Variants in SNAI3 observed in about 807,000 individuals in gnomAD.
The protein encoded by SNAI3 is zinc finger protein SNAI3.
SNAI3 carries 21 observed loss-of-function variants against 16.4 expected under a neutral mutation model. The observed-to-expected ratio is 1.28, with a 90% CI of 0.91 to 1.85. The LOEUF (loss-of-function observed/expected upper bound fraction) is 1.85, where lower values mean the gene tolerates loss of function less well. Among genes scored for constraint, SNAI3 ranks in the 40% most tolerant of loss-of-function variants. The pLI is 0.00. For missense variants in SNAI3, 457 were observed against 372.8 expected (o/e 1.23, Z -1.86); for synonymous variants, 202 against 166.6 (o/e 1.21, Z -1.64).
intron 1 of SNAI3, 117 bp downstream of exon 1, chr16:88,686,214 C>T (rs1909353327): frequency 1.5e-6 from 2 of 1,322,970 alleles, no homozygotes; most frequent in South Asian, 1.4e-5. Flanking sequence ...GCGCTGGCTC[C>T]TTCTCCTCCC....
Position 88,681,324 on chromosome 16 carries a change from T to C in SNAI3, c.467A>G (p.His156Arg). The C allele has an allele frequency of 6.2e-7, 1 of 1,613,054 alleles. No homozygotes were observed. Among genetic ancestry groups the C allele is most frequent in the Admixed American group, 1.7e-5 (1 of 60,008 alleles). ...PRAPGGFECF[H>R]CHKPYHTLAG... The stretch of plus-strand genomic sequence containing the variant: ...CAGCGTGTGGTAGGGTTTGTGGCAG[T>C]GGAAGCACTCAAAGCCGCCCGGGGC... The change falls in exon 2 of 3, where the codon CAC becomes CGC. Residue 156 changes from histidine (H) to arginine (R), a missense_variant. His to Arg is a conservative substitution (Grantham distance 29). Coordinates refer to ENST00000332281, the MANE Select transcript of SNAI3 (RefSeq NM_178310.4). This position sits in a 1 kb window ranked among gnomAD's most constrained non-coding sequence, Gnocchi z 5.4.
intron 2 of SNAI3, chr16:88,678,865 G>T: frequency 1.0e-6 from 1 of 985,440 alleles, no homozygotes; most frequent in Non-Finnish European, 1.2e-6. Context: ...AGCCCTCCCG[G>T]GGCCCTTGGC....
rs1479724498 is a variant in SNAI3, at chr16:88,681,897, C to G, written c.77-183G>C. Among the ~76,000 whole-genome samples, 1 of 152,180 alleles carries G rather than the reference C, an allele frequency of 6.6e-6. No individual in the cohort carries two copies. Among genetic ancestry groups the G allele is most frequent in the East Asian group, 1.9e-4 (1 of 5,192 alleles). Reference sequence around the variant, plus strand: ...CTGGCGGTGCTGTGCAGGGAAGTGACAGCGTGGCCAGGAGTGGAGTCATCT... The same window carrying G: ...CTGGCGGTGCTGTGCAGGGAAGTGAGAGCGTGGCCAGGAGTGGAGTCATCT... On this transcript the variant is annotated intron_variant, in intron 1 of 2. Coordinates refer to ENST00000332281, the MANE Select transcript of SNAI3 (RefSeq NM_178310.4). This position sits in a 1 kb window ranked among gnomAD's most constrained non-coding sequence, Gnocchi z 5.4.
rs776627093 is a variant in SNAI3, at chr16:88,681,598, C to T, written c.193G>A (p.Val65Ile). The change falls in exon 2 of 3, where the codon GTC becomes ATC. Residue 65 changes from valine (V) to isoleucine (I), a missense_variant. Physicochemically the swap from Val to Ile is conservative, Grantham distance 29. Transcript: ENST00000332281. This position sits in a 1 kb window ranked among gnomAD's most constrained non-coding sequence, Gnocchi z 5.4. ...LPQPWDRSSA[V>I]ACISLPLLPR... ...AGGAGGGGCAGGGAGATGCAGGCGA[C>T]GGCCGAGGAGCGGTCCCAGGGCTGG... 3.9e-5 allele frequency: 59 copies of T among 1,500,730 alleles called. No individual in the cohort carries two copies. Among genetic ancestry groups the T allele is most frequent in the East Asian group, 9.2e-5 (4 of 43,436 alleles). The allele number at this position is 1,500,730 out of a possible 1,614,324, so 93.0% of individuals were successfully genotyped here. A position where few individuals can be genotyped will look rare whatever the true frequency, so the allele number is the denominator to read the frequency against.
rs998629359 is a variant in SNAI3, at chr16:88,678,305, T to C, written c.*143A>G. On this transcript the variant is annotated 3_prime_UTR_variant, in exon 3 of 3. Coordinates refer to ENST00000332281, the MANE Select transcript of SNAI3 (RefSeq NM_178310.4). ...GTGGCCCCCGCTGGACTTCTTTGGT[T>C]CTGATTGGACGCAGATGTGGAGGAC... The C allele has an allele frequency of 1.5e-5, 9 of 590,400 alleles. No individual in the cohort carries two copies. Among genetic ancestry groups the C allele is most frequent in the Admixed American group, 6.0e-5 (2 of 33,338 alleles). 36.6% of individuals were successfully genotyped at this position (590,400 alleles called of 1,614,324 possible). A position where few individuals can be genotyped will look rare whatever the true frequency, so the allele number is the denominator to read the frequency against.
rs922686960 is a variant in SNAI3 at position 88,681,877 on chromosome 16, G to A, written c.77-163C>T. On this transcript the variant is annotated intron_variant, in intron 1 of 2. Transcript: ENST00000332281. This position sits in a 1 kb window ranked among gnomAD's most constrained non-coding sequence, Gnocchi z 5.4. ...AGACCCAGCTTGCAAGGGAGCTGGC[G>A]GTGCTGTGCAGGGAAGTGACAGCGT... Among the ~76,000 whole-genome samples the A allele has an allele frequency of 2.0e-5, 3 of 152,202 alleles. No individual in the cohort carries two copies. The highest frequency in any genetic ancestry group is 6.5e-5 in the Admixed American group (1 of 15,284).
chr16:88,683,120 C>G (rs543220194), intron 1 of SNAI3, among the ~76,000 whole-genome samples: 2 of 125,390 alleles, frequency 1.6e-5, no homozygotes, highest in East Asian at 5.3e-4. Flanking sequence ...GAGTCTTGCT[C>G]TGTCTCCCAG....
At chr16:88,686,284 C>T (rs1164323966) in intron 1 of SNAI3, 47 bp downstream of exon 1, 6 of 1,599,000 alleles carry the variant, frequency 3.8e-6, no homozygotes, top group African/African-American at 1.3e-5. Context: ...TCTCCCGCCC[C>T]TCAGGGTCGA....
Position 88,678,471 on chromosome 16 carries a change from A to G in SNAI3, c.856T>C (p.Ser286Pro), listed in dbSNP as rs376252779. Residue 286 changes from serine (S) to proline (P), a missense_variant, in exon 3 of 3, where the codon TCT (serine) becomes CCT (proline). Physicochemically the swap from Ser to Pro is moderately conservative, Grantham distance 74. Transcript: ENST00000332281. ...RMSLLARHEE[S>P]GCCPGP ...TCTCAGGGGCCCGGGCAGCAGCCAGACTCCTCATGCCGCGCCAGGAGGGAC... is the reference window on the plus strand; with the variant it reads ...TCTCAGGGGCCCGGGCAGCAGCCAGGCTCCTCATGCCGCGCCAGGAGGGAC... The G allele has an allele frequency of 1.4e-5, 11 of 774,716 alleles. No individual in the cohort carries two copies. The highest frequency in any genetic ancestry group is 2.6e-5 in the Non-Finnish European group (11 of 419,168). The allele number at this position is 774,716 out of a possible 1,614,324, so 48.0% of individuals were successfully genotyped here.
chr16:88,682,291 C>T (rs1329302033), intron 1 of SNAI3, among the ~76,000 whole-genome samples: 1 of 152,254 alleles, frequency 6.6e-6, no homozygotes, highest in African/African-American at 2.4e-5. Context: ...TCCCTGGCCG[C>T]TGACCAGTGC....
At chr16:88,680,442 C>T (rs1304727431) in intron 2 of SNAI3, among the ~76,000 whole-genome samples, 1 of 151,856 alleles carries the variant, frequency 6.6e-6, no homozygotes, top group Non-Finnish European at 1.5e-5. Context: ...TGCACTGCCA[C>T]GTCCGGCTAA....
chr16:88,683,343 C>T (rs1435449195), intron 1 of SNAI3, among the ~76,000 whole-genome samples: 1 of 151,718 alleles, frequency 6.6e-6, no homozygotes, highest in Non-Finnish European at 1.5e-5. Flanking sequence ...GCAACCTCTG[C>T]CTCCCTGGTT....
At chr16:88,679,440 G>T (rs912270768) in intron 2 of SNAI3, among the ~76,000 whole-genome samples, 2 of 152,198 alleles carry the variant, frequency 1.3e-5, no homozygotes, top group Admixed American at 1.3e-4. Context: ...CATGACTTAG[G>T]GGGTAGGGAA....
chr16:88,686,266 T>C (rs1909355614), intron 1 of SNAI3, 65 bp downstream of exon 1: 8 of 1,232,906 alleles, frequency 6.5e-6, no homozygotes, highest in Non-Finnish European at 5.5e-6. Context: ...CCCAGGGGCC[T>C]CTCTCTCTCT....
At chr16:88,683,334 C>T (rs1909245833) in intron 1 of SNAI3, among the ~76,000 whole-genome samples, 1 of 151,674 alleles carries the variant, frequency 6.6e-6, no homozygotes, top group South Asian at 2.1e-4. Flanking sequence ...GGGCTCATTG[C>T]AACCTCTGCC....
intron 1 of SNAI3, among the ~76,000 whole-genome samples, chr16:88,682,025 C>T (rs1441836399): frequency 6.6e-6 from 1 of 152,174 alleles, no homozygotes; most frequent in Non-Finnish European, 1.5e-5. Context: ...TGAAACAGGC[C>T]TCGTGGGTAA....
intron 2 of SNAI3, chr16:88,678,879 T>G (rs755995078): frequency 8.7e-5 from 86 of 985,216 alleles, no homozygotes; most frequent in Non-Finnish European, 9.6e-5. Flanking sequence ...CCTTGGCCAC[T>G]GGGAGAGGAC....
intron 1 of SNAI3, chr16:88,685,892 C>G (rs1909342835): frequency 6.0e-6 from 1 of 165,864 alleles, no homozygotes; most frequent in Non-Finnish European, 1.3e-5. Context: ...AGTCAGCATG[C>G]TCCGGGGGTC....
intron 1 of SNAI3, chr16:88,685,972 G>A (rs1010704976): frequency 1.1e-5 from 2 of 183,120 alleles, no homozygotes; most frequent in African/African-American, 4.7e-5. Context: ...TCCCAAACGT[G>A]TGCGCCAGGA....
Sources: allele counts gnomAD v4.1 joint callset (sites outside exome capture counted in the v4.1 genomes callset), GRCh38; gene constraint gnomAD v4.1.1; non-coding constraint Gnocchi (gnomAD v3.1); transcripts MANE v1.5; gene names NCBI Gene and HGNC (gene_info 2026-07-23, HGNC 2026-07-21).